The following PPP2R5E variants were observed in gnomAD, a reference collection of about 807,000 sequenced individuals.
The protein encoded by PPP2R5E is serine/threonine-protein phosphatase 2A 56 kDa regulatory subunit epsilon isoform.
PPP2R5E carries 4 observed loss-of-function variants against 65.3 expected under a neutral mutation model. The ratio of observed to expected loss-of-function variants is 0.06; its 90% confidence interval spans 0.03 to 0.14. PPP2R5E has a LOEUF of 0.14. Ranked by LOEUF, PPP2R5E falls within the 10% of genes least tolerant of loss-of-function variation. The pLI is 1.00. For synonymous variants in PPP2R5E, 183 were observed against 187.4 expected, an observed-to-expected ratio of 0.98 and a Z score of 0.19; for missense variants, 274 against 556.1, an observed-to-expected ratio of 0.49 and a Z score of 5.10.
chr14:63,485,385 CTA>C (rs1401212813), intron 2 of PPP2R5E, among the ~76,000 whole-genome samples: 1 of 152,026 alleles, frequency 6.6e-6, no homozygotes, highest in Non-Finnish European at 1.5e-5. Context: ...ACTACAGGCA[CTA>C]AGCCATGGTT....
intron 3 of PPP2R5E, among the ~76,000 whole-genome samples, chr14:63,437,802 T>C (rs1280859989): frequency 1.3e-5 from 2 of 152,182 alleles, no homozygotes; most frequent in Non-Finnish European, 2.9e-5. Context: ...CTTGTCCATT[T>C]TGTCAAAAAA....
chr14:63,418,907 C>A (rs373004557), intron 4 of PPP2R5E, among the ~76,000 whole-genome samples: 2 of 133,096 alleles, frequency 1.5e-5, no homozygotes, highest in African/African-American at 5.9e-5. Context: ...AGTGCAGTGG[C>A]GCAATCTTGG....
chr14:63,468,491 G>A lies in PPP2R5E; in HGVS notation c.158-14606C>T, dbSNP rs148054879. ...CTATCAGTACATGCATCAGCAACGT[G>A]TCAAACTCCTGAAGGGTGAAGAGAG... On this transcript the variant is annotated intron_variant, in intron 2 of 13. Transcript: ENST00000337537. Among the ~76,000 whole-genome samples the A allele has an allele frequency of 3.6e-3, 550 of 152,308 alleles. 3 individuals are homozygous for A. Among genetic ancestry groups the A allele is most frequent in the African/African-American group, 0.011 (475 of 41,562 alleles).
intron 2 of PPP2R5E, among the ~76,000 whole-genome samples, chr14:63,468,853 T>C (rs887815323): frequency 1.3e-5 from 2 of 152,158 alleles, no homozygotes; most frequent in African/African-American, 4.8e-5. Flanking sequence ...AGTATTAACC[T>C]CCCACTAAAA....
chr14:63,443,638 A>T (rs1888344835), intron 3 of PPP2R5E, among the ~76,000 whole-genome samples: 2 of 152,016 alleles, frequency 1.3e-5, no homozygotes, highest in African/African-American at 4.8e-5. Flanking sequence ...TCCCATTCTG[A>T]TAACTACCAA....
intron 2 of PPP2R5E, among the ~76,000 whole-genome samples, chr14:63,530,949 A>G (rs1049500980): frequency 1.6e-4 from 25 of 152,186 alleles, no homozygotes; most frequent in African/African-American, 6.0e-4. Flanking sequence ...ACTCTGTACA[A>G]TAATTTTACC....
rs1883705649 is a variant in PPP2R5E, at chr14:63,371,816, C to T, written c.*4193G>A. The T allele has an allele frequency of 2.6e-5, 4 of 152,026 alleles. No homozygotes were observed. The highest frequency in any genetic ancestry group is 1.3e-4 in the Admixed American group (2 of 15,262). 9.4% of individuals were successfully genotyped at this position (152,026 alleles called of 1,614,324 possible). On this transcript the variant is annotated 3_prime_UTR_variant, in exon 14 of 14. Transcript: ENST00000337537. ...AACAGGGAAAATGAACTTTTGCTGCCCTCTCCTGCTAAAACAATGAAATAC... is the reference window on the plus strand; with the variant it reads ...AACAGGGAAAATGAACTTTTGCTGCTCTCTCCTGCTAAAACAATGAAATAC...
chr14:63,523,081 A>AG (rs1893021052), intron 2 of PPP2R5E, among the ~76,000 whole-genome samples: 1 of 136,130 alleles, frequency 7.3e-6, no homozygotes, highest in African/African-American at 3.0e-5. Flanking sequence ...TCCGGGAGGG[A>AG]GGTGGGGGGG....
intron 2 of PPP2R5E, among the ~76,000 whole-genome samples, chr14:63,466,283 AAAAC>A (rs1230503301): frequency 2.0e-5 from 3 of 151,834 alleles, no homozygotes; most frequent in Non-Finnish European, 4.4e-5. Context: ...CAAAAAAAAA[AAAAC>A]AACAACAAGA....
At chr14:63,531,685 G>A (rs887643099) in intron 2 of PPP2R5E, among the ~76,000 whole-genome samples, 15 of 151,772 alleles carry the variant, frequency 9.9e-5, no homozygotes, top group Admixed American at 8.5e-4. Flanking sequence ...CGGGTGCGGT[G>A]GCTCATGCCT....
At chr14:63,519,723 G>A (rs897525688) in intron 2 of PPP2R5E, among the ~76,000 whole-genome samples, 2 of 150,598 alleles carry the variant, frequency 1.3e-5, no homozygotes, top group African/African-American at 2.4e-5. Context: ...GTGCAGCGGC[G>A]CAATCTCGGC....
At chr14:63,539,404 C>T (rs949707499) in intron 2 of PPP2R5E, 125 bp downstream of exon 2, 2 of 1,029,812 alleles carry the variant, frequency 1.9e-6, no homozygotes, top group Non-Finnish European at 2.7e-6. Context: ...TTAGTAACTT[C>T]AATGTATGTG....
intron 10 of PPP2R5E, among the ~76,000 whole-genome samples, chr14:63,389,985 C>A (rs990949898): frequency 6.6e-6 from 1 of 152,062 alleles, no homozygotes; most frequent in African/African-American, 2.4e-5. Flanking sequence ...ACGAGGGACA[C>A]TCACACACTG....
At chr14:63,381,113 T>G (rs1332206639) in intron 13 of PPP2R5E, among the ~76,000 whole-genome samples, 1 of 152,230 alleles carries the variant, frequency 6.6e-6, no homozygotes, top group Admixed American at 6.5e-5. Context: ...TAGACTTCTA[T>G]AATCTCCCCA....
chr14:63,536,744 C>G (rs1227558540), intron 2 of PPP2R5E, among the ~76,000 whole-genome samples: 1 of 152,220 alleles, frequency 6.6e-6, no homozygotes, highest in African/African-American at 2.4e-5. Flanking sequence ...ACTGAAGACA[C>G]TTGACTAAGT....
At chr14:63,432,553 A>G (rs1887730668) in intron 3 of PPP2R5E, among the ~76,000 whole-genome samples, 1 of 152,208 alleles carries the variant, frequency 6.6e-6, no homozygotes, top group Non-Finnish European at 1.5e-5. Flanking sequence ...AGAAGGGGAC[A>G]ACAGGGAAAA....
chr14:63,426,827 A>T (rs1048839291), intron 3 of PPP2R5E, among the ~76,000 whole-genome samples: 4 of 152,158 alleles, frequency 2.6e-5, no homozygotes, highest in Admixed American at 1.3e-4. Flanking sequence ...AAAATCATAA[A>T]TTTAAAATCA....
intron 3 of PPP2R5E, among the ~76,000 whole-genome samples, chr14:63,451,087 G>A (rs1351923520): frequency 6.6e-6 from 1 of 152,098 alleles, no homozygotes; most frequent in East Asian, 1.9e-4. Context: ...CTGGAAGACA[G>A]TTTGGCAGTT....
chr14:63,445,351 T>C (rs1336362163), intron 3 of PPP2R5E, among the ~76,000 whole-genome samples: 1 of 152,228 alleles, frequency 6.6e-6, no homozygotes, highest in Non-Finnish European at 1.5e-5. Flanking sequence ...AAGTGCACAA[T>C]AGCTTTATGT....
Sources: allele counts gnomAD v4.1 joint callset (sites outside exome capture counted in the v4.1 genomes callset), GRCh38; gene constraint gnomAD v4.1.1; transcripts MANE v1.5; gene names NCBI Gene and HGNC (gene_info 2026-07-23, HGNC 2026-07-21).